The following SGMS2 variants were observed in gnomAD, a reference collection of about 807,000 sequenced individuals.
SGMS2 encodes phosphatidylcholine:ceramide cholinephosphotransferase 2.
A neutral mutation model predicts 43.8 loss-of-function variants in SGMS2; 21 were observed. The ratio of observed to expected loss-of-function variants is 0.48; its 90% CI spans 0.34 to 0.69. The LOEUF is 0.69. SGMS2 is among the 30% of genes least tolerant of loss of function. The pLI, the probability that SGMS2 is intolerant of heterozygous loss-of-function variation, is 0.01. For missense variants in SGMS2, 384 were observed against 443.2 expected (o/e 0.87, Z 1.20); for synonymous variants, 167 against 160.6 (o/e 1.04, Z -0.30).
chr4:107,860,571 G>C (rs1356300564), intron 2 of SGMS2, among the ~76,000 whole-genome samples: 1 of 151,454 alleles, frequency 6.6e-6, no homozygotes, highest in Non-Finnish European at 1.5e-5. Flanking sequence ...GCCCAGGCTG[G>C]AGTGCAATGG....
chr4:107,828,567 T>A (rs1164976096), intron 1 of SGMS2, among the ~76,000 whole-genome samples: 1 of 151,974 alleles, frequency 6.6e-6, no homozygotes, highest in Non-Finnish European at 1.5e-5. Flanking sequence ...ACCAGTCCCC[T>A]ATCGCTGAAC....
In SGMS2 at chr4:107,863,343, A is replaced by G. The variant is rs1727878785; in HGVS notation, c.-245+4790A>G. On this transcript the variant is annotated intron_variant, in intron 2 of 6. Transcript: ENST00000690982. ...AGTAGTTGTGTGTATTAATGTTAGC[A>G]TTTGGGGAACACTAAAACTGGCATC... The G allele has an allele frequency of 2.0e-5, 3 of 152,274 alleles. No homozygotes were observed. In the South Asian group the frequency reaches 6.2e-4, roughly 32 times the overall value. The allele number at this position is 152,274 out of a possible 1,614,324, so 9.4% of individuals were successfully genotyped here.
At chr4:107,843,581 G>C (rs939880197) in intron 1 of SGMS2, among the ~76,000 whole-genome samples, 7 of 152,154 alleles carry the variant, frequency 4.6e-5, no homozygotes, top group Non-Finnish European at 1.0e-4. Context: ...GGAGTGCTCA[G>C]GTCAACCTCC....
At position 107,852,746 on chromosome 4, in the gene SGMS2, A is replaced by ATTT. The variant is rs56359938; in HGVS notation, c.-326-5716_-326-5714dup. ...TCTTATTATTGGACACTTGTTTCTC[A>ATTT]TTTTTTTTTTTTACTGTTACTGGCA... On this transcript the variant is annotated intron_variant, in intron 1 of 6. Coordinates refer to ENST00000690982, the MANE Select transcript of SGMS2 (RefSeq NM_001375905.1). Among the ~76,000 whole-genome samples, 1,426 of 146,686 alleles carry ATTT rather than the reference A, an allele frequency of 9.7e-3. 32 individuals are homozygous for ATTT. Among genetic ancestry groups the ATTT allele is most frequent in the African/African-American group, 0.034 (1,361 of 39,932 alleles).
intron 1 of SGMS2, among the ~76,000 whole-genome samples, chr4:107,852,745 C>CTTTTTTTT (rs1727221312): frequency 8.9e-6 from 1 of 112,728 alleles, no homozygotes. Flanking sequence ...ACTTGTTTCT[C>CTTTTTTTT]ATTTTTTTTT....
rs1727333617 is a variant in SGMS2 at position 107,854,888 on chromosome 4, C to T, written c.-326-3584C>T. On this transcript the variant is annotated intron_variant, in intron 1 of 6. Transcript: ENST00000690982. ...TGCTCATTGCCTCTTGTGTACAGACCATATTAAAGTTAAGTGTCAAATGCT... is the reference window on the plus strand; with the variant it reads ...TGCTCATTGCCTCTTGTGTACAGACTATATTAAAGTTAAGTGTCAAATGCT... Among the ~76,000 whole-genome samples, 3 of 152,108 alleles carry T rather than the reference C, an allele frequency of 2.0e-5. No individual in the cohort carries two copies. In the South Asian group the frequency reaches 6.2e-4, roughly 31 times the overall value.
At chr4:107,875,966 G>A (rs867133411) in intron 2 of SGMS2, among the ~76,000 whole-genome samples, 1 of 152,038 alleles carries the variant, frequency 6.6e-6, no homozygotes, top group African/African-American at 2.4e-5. Flanking sequence ...ACTCCACAAT[G>A]CCCCATACTA....
At chr4:107,873,575 T>C (rs1728699220) in intron 2 of SGMS2, 1 of 151,688 alleles carries the variant, frequency 6.6e-6, no homozygotes, top group Non-Finnish European at 1.5e-5. Flanking sequence ...ATATTTTATA[T>C]ATTATTAATC....
chr4:107,870,767 T>G (rs536424958), intron 2 of SGMS2, among the ~76,000 whole-genome samples: 4 of 152,266 alleles, frequency 2.6e-5, no homozygotes, highest in Admixed American at 1.3e-4. Flanking sequence ...CTAGGCTGCT[T>G]CTTTGTTTCA....
intron 2 of SGMS2, among the ~76,000 whole-genome samples, chr4:107,887,125 T>C (rs538833581): frequency 1.3e-5 from 2 of 152,366 alleles, no homozygotes; most frequent in African/African-American, 2.4e-5. Flanking sequence ...ATTCCTGTTC[T>C]GCTTAATATT....
chr4:107,887,642 A>T (rs1038679685), intron 2 of SGMS2, among the ~76,000 whole-genome samples: 1 of 152,210 alleles, frequency 6.6e-6, no homozygotes, highest in Non-Finnish European at 1.5e-5. Context: ...TTGATTTGGA[A>T]AGTTTGTCAA....
chr4:107,879,230 T>C (rs1464762042), intron 2 of SGMS2, among the ~76,000 whole-genome samples: 1 of 151,882 alleles, frequency 6.6e-6, no homozygotes, highest in African/African-American at 2.4e-5. Flanking sequence ...TAATTACAAG[T>C]TTTTTAGAGC....
chr4:107,879,071 T>A (rs1578592395), intron 2 of SGMS2, among the ~76,000 whole-genome samples: 1 of 151,952 alleles, frequency 6.6e-6, no homozygotes, highest in East Asian at 1.9e-4. Context: ...GTAAGTACTG[T>A]ATTCATTTCA....
At chr4:107,849,017 T>C (rs1457957001) in intron 1 of SGMS2, among the ~76,000 whole-genome samples, 1 of 152,166 alleles carries the variant, frequency 6.6e-6, no homozygotes, top group Non-Finnish European at 1.5e-5. Context: ...AATTAGTATC[T>C]AGATTCATTT....
At chr4:107,885,053 C>G (rs1044553056) in intron 2 of SGMS2, among the ~76,000 whole-genome samples, 1 of 152,124 alleles carries the variant, frequency 6.6e-6, no homozygotes, top group Non-Finnish European at 1.5e-5. Flanking sequence ...GTTTAGGGTA[C>G]CATGCCAGAG....
At chr4:107,859,849 G>A (rs1578545284) in intron 2 of SGMS2, among the ~76,000 whole-genome samples, 1 of 152,050 alleles carries the variant, frequency 6.6e-6, no homozygotes, top group Non-Finnish European at 1.5e-5. Context: ...AAATAAAGTA[G>A]TCGTATGTTC....
chr4:107,880,103 A>G (rs562770495), intron 2 of SGMS2, among the ~76,000 whole-genome samples: 2 of 152,268 alleles, frequency 1.3e-5, no homozygotes, highest in African/African-American at 4.8e-5. Context: ...CCTCTACCCA[A>G]GCATATCTCC....
chr4:107,847,054 T>G (rs1384413355), intron 1 of SGMS2, among the ~76,000 whole-genome samples: 4 of 152,002 alleles, frequency 2.6e-5, no homozygotes, highest in South Asian at 2.1e-4. Context: ...TTTCTCCCAT[T>G]TTGTAGGTTG....
chr4:107,887,378 T>C (rs1188509222), intron 2 of SGMS2, among the ~76,000 whole-genome samples: 1 of 152,192 alleles, frequency 6.6e-6, no homozygotes, highest in African/African-American at 2.4e-5. Flanking sequence ...CATACAATAA[T>C]TTAACATAAT....
Sources: allele counts gnomAD v4.1 joint callset (sites outside exome capture counted in the v4.1 genomes callset), GRCh38; gene constraint gnomAD v4.1.1; transcripts MANE v1.5; gene names NCBI Gene and HGNC (gene_info 2026-07-23, HGNC 2026-07-21).